INPP4B: variants seen among roughly 807,000 people sequenced by gnomAD.
INPP4B encodes the protein inositol polyphosphate-4-phosphatase type II B.
Under a neutral mutation model 122.5 loss-of-function variants are expected in INPP4B, and 55 were observed. That is an observed-to-expected ratio of 0.45 (90% CI 0.36 to 0.56). INPP4B has a LOEUF of 0.56. INPP4B is among the 20% of genes least tolerant of loss of function. The probability of loss-of-function intolerance (pLI) is 0.00; values close to 1 mark genes in which losing one functional copy is unlikely to be tolerated. For missense variants in INPP4B, 1,000 were observed against 1,097.7 expected (o/e 0.91, Z 1.26); for synonymous variants, 403 against 388.7 (o/e 1.04, Z -0.43).
chr4:142,678,903 A>T (rs1417664140), intron 2 of INPP4B, among the ~76,000 whole-genome samples: 1 of 151,932 alleles, frequency 6.6e-6, no homozygotes, highest in Non-Finnish European at 1.5e-5. Flanking sequence ...CATCTTTCCA[A>T]GATACATTAA....
chr4:142,237,487 G>T (rs189225255), intron 12 of INPP4B, among the ~76,000 whole-genome samples: 2 of 151,976 alleles, frequency 1.3e-5, no homozygotes, highest in African/African-American at 4.8e-5. Flanking sequence ...TTAATATTTT[G>T]TTATTAAATC....
chr4:142,603,724 A>T (rs1422726927), intron 2 of INPP4B, among the ~76,000 whole-genome samples: 1 of 152,140 alleles, frequency 6.6e-6, no homozygotes, highest in Non-Finnish European at 1.5e-5. Context: ...AGTAACAAAA[A>T]AGTCTCCAAA....
At chr4:142,705,531 T>C (rs1423813157) in intron 2 of INPP4B, among the ~76,000 whole-genome samples, 1 of 150,170 alleles carries the variant, frequency 6.7e-6, no homozygotes, top group Non-Finnish European at 1.5e-5. Flanking sequence ...TTTCCAAGAG[T>C]AGATTACTTC....
intron 15 of INPP4B, among the ~76,000 whole-genome samples, chr4:142,179,198 C>T (rs911210729): frequency 7.2e-5 from 11 of 152,148 alleles, no homozygotes; most frequent in South Asian, 2.1e-4. Flanking sequence ...TTGGGCTGGG[C>T]GCAGTGGCTC....
chr4:142,561,278 T>C (rs2150120513), intron 2 of INPP4B, among the ~76,000 whole-genome samples: 1 of 152,318 alleles, frequency 6.6e-6, no homozygotes, highest in East Asian at 1.9e-4. Context: ...TTTTAAAAGA[T>C]ACTTGAGATT....
At chr4:142,530,903 T>A (rs1486962264) in intron 2 of INPP4B, among the ~76,000 whole-genome samples, 7 of 151,866 alleles carry the variant, frequency 4.6e-5, no homozygotes, top group Admixed American at 4.6e-4. Context: ...GATTGAGCTA[T>A]CAGGATGACA....
intron 1 of INPP4B, among the ~76,000 whole-genome samples, chr4:142,794,259 C>A (rs1466961093): frequency 6.6e-6 from 1 of 151,982 alleles, no homozygotes; most frequent in African/African-American, 2.4e-5. Flanking sequence ...ATAAAGTATT[C>A]AGACTATCAG....
chr4:142,274,739 T>A (rs529227113), intron 9 of INPP4B, among the ~76,000 whole-genome samples: 18 of 151,874 alleles, frequency 1.2e-4, no homozygotes, highest in African/African-American at 4.1e-4. Context: ...CATGTAGCAA[T>A]AAGATGGGGC....
intron 5 of INPP4B, among the ~76,000 whole-genome samples, chr4:142,412,342 TTG>T (rs750522416): frequency 6.6e-5 from 10 of 152,168 alleles, no homozygotes; most frequent in Non-Finnish European, 1.3e-4. Flanking sequence ...TTGCCTTTTT[TTG>T]TTTTTTATTC....
chr4:142,316,112 T>C (rs2049989191), intron 7 of INPP4B, among the ~76,000 whole-genome samples: 1 of 152,200 alleles, frequency 6.6e-6, no homozygotes, highest in Admixed American at 6.5e-5. Context: ...TATTTCTTTA[T>C]GACAGATCCA....
chr4:142,413,687 T>C (rs1225659262), intron 5 of INPP4B, among the ~76,000 whole-genome samples: 1 of 152,192 alleles, frequency 6.6e-6, no homozygotes, highest in Admixed American at 6.5e-5. Flanking sequence ...CCTATTGCTG[T>C]CTCATAGTTC....
intron 2 of INPP4B, among the ~76,000 whole-genome samples, chr4:142,616,589 G>A (rs1306868852): frequency 6.6e-6 from 1 of 152,034 alleles, no homozygotes; most frequent in African/African-American, 2.4e-5. Flanking sequence ...ATACATTTTT[G>A]TCTTATTTTA....
At chr4:142,268,853 T>A (rs1744331075) in intron 10 of INPP4B, among the ~76,000 whole-genome samples, 1 of 152,152 alleles carries the variant, frequency 6.6e-6, no homozygotes, top group Non-Finnish European at 1.5e-5. Context: ...GATTGGGAAC[T>A]GAAACACACA....
intron 2 of INPP4B, among the ~76,000 whole-genome samples, chr4:142,721,678 G>A (rs910614925): frequency 3.0e-4 from 45 of 152,122 alleles, no homozygotes; most frequent in Admixed American, 5.2e-4. Context: ...AAAATTAGCC[G>A]GGCGTGGTAG....
intron 23 of INPP4B, among the ~76,000 whole-genome samples, chr4:142,098,168 C>G (rs766901868): frequency 5.3e-5 from 8 of 152,012 alleles, no homozygotes; most frequent in Non-Finnish European, 1.2e-4. Context: ...GGGCATAGAG[C>G]CACTAAAAAG....
intron 12 of INPP4B, among the ~76,000 whole-genome samples, chr4:142,219,188 A>G (rs1370074419): frequency 6.6e-6 from 1 of 152,222 alleles, no homozygotes; most frequent in Non-Finnish European, 1.5e-5. Context: ...TGTACTATAT[A>G]CACAATAAAG....
At chr4:142,292,253 A>C (rs1170860817) in intron 9 of INPP4B, among the ~76,000 whole-genome samples, 1 of 151,728 alleles carries the variant, frequency 6.6e-6, no homozygotes, top group African/African-American at 2.4e-5. Flanking sequence ...ATGTTTAAGC[A>C]AAGTAATGAA....
At chr4:142,105,880 C>T (rs976181412) in intron 23 of INPP4B, among the ~76,000 whole-genome samples, 23 of 152,118 alleles carry the variant, frequency 1.5e-4, no homozygotes, top group Non-Finnish European at 2.8e-4. Context: ...ATAGTTCTTT[C>T]CTTCTTAGCA....
At chr4:142,191,711 A>G (rs1047526507) in intron 15 of INPP4B, among the ~76,000 whole-genome samples, 4 of 152,292 alleles carry the variant, frequency 2.6e-5, no homozygotes, top group South Asian at 2.1e-4. Flanking sequence ...AAACAGTTCT[A>G]TATGATGTTT....
Sources: gnomAD v4.1 joint callset for allele counts (sites outside exome capture counted in the v4.1 genomes callset) on GRCh38, gnomAD v4.1.1 for gene constraint, MANE v1.5 for transcripts, NCBI Gene and HGNC (gene_info 2026-07-23, HGNC 2026-07-21) for gene names.